Variants in UCP1 observed in about 807,000 individuals in gnomAD.
The protein encoded by UCP1 is uncoupling protein 1.
Under a neutral mutation model 26.2 loss-of-function variants are expected in UCP1, and 24 were observed. The observed-to-expected ratio is 0.92, with a 90% CI of 0.66 to 1.29. UCP1 has a LOEUF of 1.29. Among genes scored for constraint, UCP1 ranks in the 50% most tolerant of loss-of-function variants. The pLI, the probability that UCP1 is intolerant of heterozygous loss-of-function variation, is 0.00. For synonymous variants in UCP1, 164 were observed against 156.8 expected (o/e 1.05, Z -0.34); for missense variants, 402 against 388.7 (o/e 1.03, Z -0.29).
At chr4:140,562,798 C>A (rs1434216659) in intron 4 of UCP1, among the ~76,000 whole-genome samples, 3 of 151,994 alleles carry the variant, frequency 2.0e-5, no homozygotes, top group South Asian at 4.2e-4. Flanking sequence ...GATGGACTTA[C>A]CTCCTGAATT....
chr4:140,562,099 G>A (rs1393032147), intron 5 of UCP1, 94 bp downstream of exon 5: 3 of 1,412,556 alleles, frequency 2.1e-6, no homozygotes, highest in Non-Finnish European at 3.0e-6. Context: ...ATATACTAAG[G>A]CTTGTAAGCT....
Position 140,559,680 on chromosome 4 carries a change from G to A in UCP1, c.*216C>T, listed in dbSNP as rs1735635256. 1.8e-6 allele frequency: 1 copy of A among 570,630 alleles called. No homozygotes were observed. Among genetic ancestry groups the A allele is most frequent in the Non-Finnish European group, 3.1e-6 (1 of 323,180 alleles). The allele number at this position is 570,630 out of a possible 1,614,324, so 35.3% of individuals were successfully genotyped here. ...CATTACATTTGCCAGGGTATATGCT[G>A]AATGTTTTGCTTTCCCCTTCTTAAG... On this transcript the variant is annotated 3_prime_UTR_variant, in exon 6 of 6. Transcript: ENST00000262999.
Position 140,559,777 on chromosome 4 carries a change from A to G in UCP1, c.*119T>C. On this transcript the variant is annotated 3_prime_UTR_variant, in exon 6 of 6. Coordinates refer to ENST00000262999, the MANE Select transcript of UCP1 (RefSeq NM_021833.5). The stretch of plus-strand genomic sequence containing the variant: ...TCTTTTTTATATAAAAAAGTCCAAA[A>G]TTCTCTGCCAAAATTCCTTTATCTT... The G allele has an allele frequency of 2.0e-6, 2 of 1,005,378 alleles. No homozygotes were observed. Among genetic ancestry groups the G allele is most frequent in the South Asian group, 1.5e-5 (1 of 66,712 alleles). The allele number at this position is 1,005,378 out of a possible 1,614,324, so 62.3% of individuals were successfully genotyped here. A position where few individuals can be genotyped will look rare whatever the true frequency, so the allele number is the denominator to read the frequency against.
At chr4:140,567,653 G>T in intron 2 of UCP1, 126 bp downstream of exon 2, 2 of 1,232,336 alleles carry the variant, frequency 1.6e-6, no homozygotes, top group Non-Finnish European at 2.3e-6. Context: ...TTGGGGAAGG[G>T]AGAGTTCAAA....
At chr4:140,567,757 C>G in intron 2 of UCP1, 22 bp downstream of exon 2, 3 of 1,613,448 alleles carry the variant, frequency 1.9e-6, no homozygotes, top group Non-Finnish European at 2.5e-6. Flanking sequence ...TTCTGCCCCT[C>G]CCAGGAACGC....
chr4:140,566,043 T>C (rs938731193), intron 2 of UCP1, among the ~76,000 whole-genome samples: 8 of 152,192 alleles, frequency 5.3e-5, no homozygotes, highest in Non-Finnish European at 1.2e-4. Context: ...CTGCACAGGT[T>C]TGTAGCCTAG....
chr4:140,568,895 G>T lies in UCP1; in HGVS notation c.-166C>A. ...GGTGCAGAGGCGGCGGCTGCAGACGGAGCGCGGTGTTGGGGGCCGAGTCCC... is the reference window on the plus strand; with the variant it reads ...GGTGCAGAGGCGGCGGCTGCAGACGTAGCGCGGTGTTGGGGGCCGAGTCCC... On this transcript the variant is annotated 5_prime_UTR_variant, in exon 1 of 6. Transcript: ENST00000262999. The T allele has an allele frequency of 9.1e-7, 1 of 1,097,304 alleles. No homozygotes were observed. Among genetic ancestry groups the T allele is most frequent in the Middle Eastern group, 3.0e-4 (1 of 3,322 alleles). The allele number at this position is 1,097,304 out of a possible 1,614,324, so 68.0% of individuals were successfully genotyped here. A position where few individuals can be genotyped will look rare whatever the true frequency, so the allele number is the denominator to read the frequency against.
Position 140,568,870 on chromosome 4 carries a change from G to A in UCP1, c.-141C>T. 1 of 1,352,568 alleles carries A rather than the reference G, an allele frequency of 7.4e-7. No homozygotes were observed. The highest frequency in any genetic ancestry group is 2.5e-5 in the East Asian group (1 of 39,694). 83.8% of individuals were successfully genotyped at this position (1,352,568 alleles called of 1,614,324 possible). A position where few individuals can be genotyped will look rare whatever the true frequency, so the allele number is the denominator to read the frequency against. ...TTTGAACCGACCGCCGGGCAGCGGCGGTGCAGAGGCGGCGGCTGCAGACGG... is the reference window on the plus strand; with the variant it reads ...TTTGAACCGACCGCCGGGCAGCGGCAGTGCAGAGGCGGCGGCTGCAGACGG... On this transcript the variant is annotated 5_prime_UTR_variant, in exon 1 of 6. Coordinates refer to ENST00000262999, the MANE Select transcript of UCP1 (RefSeq NM_021833.5).
At chr4:140,568,016 T>A (rs114928132) in intron 1 of UCP1, 39 bp from the exon 2 acceptor site, 13 of 1,609,174 alleles carry the variant, frequency 8.1e-6, no homozygotes, top group Non-Finnish European at 1.1e-5. Flanking sequence ...GGGAGCGAAA[T>A]TGAGTTCACT....
chr4:140,565,120 G>A (rs1735769389), intron 2 of UCP1, among the ~76,000 whole-genome samples: 5 of 152,130 alleles, frequency 3.3e-5, no homozygotes, highest in Admixed American at 3.3e-4. Context: ...CCTAAAAGGA[G>A]CCCACTAAAT....
At chr4:140,560,748 CA>C (rs5862487) in intron 5 of UCP1, among the ~76,000 whole-genome samples, 75 of 146,692 alleles carry the variant, frequency 5.1e-4, no homozygotes, top group Middle Eastern at 3.5e-3. Context: ...TATTTTGCTG[CA>C]AAAAAAAAAA....
chr4:140,561,614 C>G (rs571684831), intron 5 of UCP1, among the ~76,000 whole-genome samples: 1 of 152,162 alleles, frequency 6.6e-6, no homozygotes, highest in Non-Finnish European at 1.5e-5. Flanking sequence ...GCTGGGATTA[C>G]AGGTGCGAGC....
intron 4 of UCP1, 86 bp downstream of exon 4, chr4:140,563,024 A>C: frequency 9.7e-7 from 1 of 1,031,050 alleles, no homozygotes; most frequent in Non-Finnish European, 1.5e-6. Context: ...ATTGGAGTTA[A>C]GAGATTGAGT....
intron 1 of UCP1, 43 bp from the exon 2 acceptor site, chr4:140,568,020 G>A: frequency 6.2e-7 from 1 of 1,606,270 alleles, no homozygotes; most frequent in Non-Finnish European, 8.5e-7. Context: ...GCGAAATTGA[G>A]TTCACTCTTA....
At chr4:140,563,002 A>C (rs1578787899) in intron 4 of UCP1, 108 bp downstream of exon 4, 1 of 922,956 alleles carries the variant, frequency 1.1e-6, no homozygotes, top group East Asian at 2.5e-5. Flanking sequence ...TAATTTTTAA[A>C]AAGAGAAAAC....
At chr4:140,566,260 A>C (rs568656079) in intron 2 of UCP1, among the ~76,000 whole-genome samples, 1 of 152,220 alleles carries the variant, frequency 6.6e-6, no homozygotes, top group Non-Finnish European at 1.5e-5. Flanking sequence ...CACACAACCC[A>C]TACTCTCAAC....
rs752027726 is a variant in UCP1, at chr4:140,567,752, C to G, written c.325+27G>C. 27 of 1,612,936 alleles carry G rather than the reference C, an allele frequency of 1.7e-5. No homozygotes were observed. The South Asian group carries it at 2.9e-4, about 17-fold the overall frequency. ...CAGAGCGGAGCCCAAGGCTTTTCTG[C>G]CCCTCCCAGGAACGCTCACGGCTTA... On this transcript the variant is annotated intron_variant, in intron 2 of 5. Coordinates refer to ENST00000262999, the MANE Select transcript of UCP1 (RefSeq NM_021833.5).
At chr4:140,562,762 C>T (rs1368752931) in intron 4 of UCP1, among the ~76,000 whole-genome samples, 1 of 151,958 alleles carries the variant, frequency 6.6e-6, no homozygotes, top group Non-Finnish European at 1.5e-5. Flanking sequence ...CCTTTTATAA[C>T]TAGATCTTTT....
At chr4:140,562,440 T>C in intron 4 of UCP1, 67 bp from the exon 5 acceptor site, 1 of 1,524,336 alleles carries the variant, frequency 6.6e-7, no homozygotes. Flanking sequence ...TTATCTGTCA[T>C]ATCTTTATAA....
Sources: gnomAD v4.1 joint callset for allele counts (sites outside exome capture counted in the v4.1 genomes callset) on GRCh38, gnomAD v4.1.1 for gene constraint, MANE v1.5 for transcripts, NCBI Gene and HGNC (gene_info 2026-07-23, HGNC 2026-07-21) for gene names.